The following PRKDC variants were observed in gnomAD, a reference collection of about 807,000 sequenced individuals.
The protein encoded by PRKDC is DNA-dependent protein kinase catalytic subunit.
In PRKDC, 82 loss-of-function variants were observed where a neutral mutation model predicts 486.9. That is an observed-to-expected ratio of 0.17 (90% confidence interval 0.14 to 0.20). PRKDC has a LOEUF of 0.20. Ranked by LOEUF, PRKDC falls within the 10% of genes least tolerant of loss-of-function variation. PRKDC has a pLI of 1.00. For synonymous variants in PRKDC, 1,895 were observed against 1,837.0 expected, an observed-to-expected ratio of 1.03 and a Z score of -0.81; for missense variants, 4,504 against 5,038.2, an observed-to-expected ratio of 0.89 and a Z score of 3.21.
chr8:47,807,929 T>C (rs1171797150), intron 68 of PRKDC, among the ~76,000 whole-genome samples: 1 of 152,146 alleles, frequency 6.6e-6, no homozygotes, highest in Non-Finnish European at 1.5e-5. Context: ...TTGGCCAGGC[T>C]GGTCTTGAAC....
At position 47,864,752 on chromosome 8, in the gene PRKDC, A is replaced by C. The variant is rs375328514; in HGVS notation, c.5375T>G (p.Val1792Gly). ...FRRIARRGSC[V>G]TQVGLLESVY... Reference sequence around the variant, plus strand: ...GCTTTCCAGAAGGCCTACTTGTGTGACACATGAACCCCTAAGAAAACAAGA... The same window carrying C: ...GCTTTCCAGAAGGCCTACTTGTGTGCCACATGAACCCCTAAGAAAACAAGA... The change falls in exon 41 of 86, where the codon GTC becomes GGC. Residue 1792 changes from valine to glycine, a missense_variant. Around this residue, in one of 6 missense-constraint regions of PRKDC, gnomAD observed 1,969 missense variants for 2,068.9 expected, o/e 0.95. Coordinates refer to ENST00000314191, the MANE Select transcript of PRKDC (RefSeq NM_006904.7). 2.5e-6 allele frequency: 4 copies of C among 1,589,124 alleles called. No homozygotes were observed. The highest frequency in any genetic ancestry group is 3.4e-6 in the Non-Finnish European group (4 of 1,165,834).
chr8:47,927,923 G>T, intron 19 of PRKDC, 33 bp from the exon 20 acceptor site: 1 of 1,428,882 alleles, frequency 7.0e-7, no homozygotes, highest in South Asian at 1.7e-5. Flanking sequence ...ATGTATATCT[G>T]AATAGAGCCT....
chr8:47,924,221 C>T (rs1014044922), intron 21 of PRKDC, among the ~76,000 whole-genome samples: 7 of 152,034 alleles, frequency 4.6e-5, no homozygotes, highest in Non-Finnish European at 8.8e-5. Context: ...TATATTTTCC[C>T]GGCCCCAGGT....
At position 47,900,483 on chromosome 8, in the gene PRKDC, T is replaced by C; in HGVS notation, c.3270-16A>G. On this transcript the variant is annotated splice_polypyrimidine_tract_variant and intron_variant, in intron 27 of 85. Transcript: ENST00000314191. ...CTCTTCTTCCCTGTAAAATAAAGAA[T>C]AGGAAACCTCACCTAAGAAAACAAT... is the stretch of plus-strand genomic sequence containing the variant. 2 of 1,576,740 alleles carry C rather than the reference T, an allele frequency of 1.3e-6. No homozygotes were observed. The highest frequency in any genetic ancestry group is 1.7e-6 in the Non-Finnish European group (2 of 1,156,484).
At chr8:47,864,126 G>T (rs930954387) in intron 41 of PRKDC, among the ~76,000 whole-genome samples, 5 of 152,302 alleles carry the variant, frequency 3.3e-5, no homozygotes, top group East Asian at 1.9e-4. Flanking sequence ...GGCCATAAAT[G>T]AAATCACAGG....
In PRKDC at chr8:47,886,064, G is replaced by C; in HGVS notation, c.4656C>G (p.His1552Gln). ...TATAGAAATACTCCCCATGGGAGAA[G>C]TGGATGACGCTGCCCTGTGAGCTGC... is the stretch of plus-strand genomic sequence containing the variant. ...SLGSSQGSVIHFSHGEYFYSL... is the reference protein window; with the variant it reads ...SLGSSQGSVIQFSHGEYFYSL... Residue 1552 changes from histidine to glutamine, a missense_variant, in exon 36 of 86, where the codon CAC (histidine) becomes CAG (glutamine). Coordinates refer to ENST00000314191, the MANE Select transcript of PRKDC (RefSeq NM_006904.7). 1 of 1,613,754 alleles carries C rather than the reference G, an allele frequency of 6.2e-7. No homozygotes were observed.
chr8:47,790,879 A>T (rs1410908130), intron 74 of PRKDC, among the ~76,000 whole-genome samples: 1 of 152,130 alleles, frequency 6.6e-6, no homozygotes, highest in African/African-American at 2.4e-5. Context: ...ATGAAACTAG[A>T]CCCCTATCTC....
intron 48 of PRKDC, 124 bp from the exon 49 acceptor site, chr8:47,857,423 G>C: frequency 9.4e-7 from 1 of 1,059,852 alleles, no homozygotes; most frequent in South Asian, 1.8e-5. Context: ...CCAAAAGCGA[G>C]GTAAGCACGT....
chr8:47,791,227 A>G (rs2086877059), intron 74 of PRKDC, among the ~76,000 whole-genome samples: 1 of 152,244 alleles, frequency 6.6e-6, no homozygotes. Flanking sequence ...CTGTAATCCC[A>G]GCACTATGGG....
Position 47,774,280 on chromosome 8 carries a change from G to T in PRKDC, c.12280C>A (p.Pro4094Thr). Residue 4094 changes from proline to threonine, a missense_variant, in exon 86 of 86, where the codon CCA becomes ACA. Around this residue, in one of 6 missense-constraint regions of PRKDC, gnomAD observed 706 missense variants for 945.0 expected, o/e 0.75. Transcript: ENST00000314191. The part of the protein sequence containing the change: ...SKDHNIRAQE[P>T]ESGLSEETQV... ...GTCTCTTCTGAAAGCCCACTCTCTG[G>T]TTCTTGGGCACGAATGTTGTGATCT... 2.5e-6 allele frequency: 4 copies of T among 1,611,538 alleles called. No individual in the cohort carries two copies. The highest frequency in any genetic ancestry group is 3.4e-6 in the Non-Finnish European group (4 of 1,179,036).
At chr8:47,950,358 G>A (rs2090606777) in intron 7 of PRKDC, among the ~76,000 whole-genome samples, 2 of 149,602 alleles carry the variant, frequency 1.3e-5, no homozygotes, top group Non-Finnish European at 3.0e-5. Flanking sequence ...AGGCACAGTG[G>A]TTCACACCTG....
chr8:47,934,074 G>T lies in PRKDC; in HGVS notation c.1514C>A (p.Ser505Tyr), dbSNP rs760472666. Reference protein sequence around the residue: ...VVLPKGPESESEDHRASGEVR... With the variant: ...VVLPKGPESEYEDHRASGEVR... ...TTCCCCTGAAGCACGGTGGTCTTCA[G>T]ATTCAGACTCAGGGCCCTGGCCAGA... Residue 505 changes from serine (S) to tyrosine (Y), a missense_variant, in exon 15 of 86, where the codon TCT becomes TAT. By Grantham distance (144) the Ser-to-Tyr change is moderately radical (BLOSUM62 -2). Transcript: ENST00000314191. 2.0e-5 allele frequency: 33 copies of T among 1,613,518 alleles called. No homozygotes were observed. Among genetic ancestry groups the T allele is most frequent in the Non-Finnish European group, 2.8e-5 (33 of 1,179,654 alleles).
At chr8:47,873,421 C>T (rs1382421914) in intron 40 of PRKDC, among the ~76,000 whole-genome samples, 3 of 151,898 alleles carry the variant, frequency 2.0e-5, no homozygotes, top group Non-Finnish European at 4.4e-5. Flanking sequence ...TCATCTGTAA[C>T]CCCAGCTACT....
In PRKDC at chr8:47,904,929, C is replaced by A; in HGVS notation, c.2982G>T (p.Trp994Cys). 6.2e-7 allele frequency: 1 copy of A among 1,613,608 alleles called. No homozygotes were observed. ...YEPLVMQLIH[W>C]FTNNKKFESQ... ...TTTCAAATTTCTTGTTGTTAGTGAACCAGTGAATCAGCTGCATAACTAGTG... is the reference window on the plus strand; with the variant it reads ...TTTCAAATTTCTTGTTGTTAGTGAAACAGTGAATCAGCTGCATAACTAGTG... The change falls in exon 26 of 86, where the codon TGG (tryptophan) becomes TGT (cysteine). Residue 994 changes from tryptophan to cysteine, a missense_variant. Around this residue, in one of 6 missense-constraint regions of PRKDC, gnomAD observed 1,969 missense variants for 2,068.9 expected, o/e 0.95. Coordinates refer to ENST00000314191, the MANE Select transcript of PRKDC (RefSeq NM_006904.7).
chr8:47,930,434 G>A (rs985305395), intron 17 of PRKDC, among the ~76,000 whole-genome samples: 7 of 152,008 alleles, frequency 4.6e-5, no homozygotes, highest in South Asian at 2.1e-4. Flanking sequence ...CACTATGCCC[G>A]GCGAATTTTT....
intron 7 of PRKDC, among the ~76,000 whole-genome samples, chr8:47,947,079 A>G (rs547548102): frequency 7.2e-5 from 11 of 152,190 alleles, no homozygotes; most frequent in East Asian, 3.9e-4. Flanking sequence ...GTGTACCTCC[A>G]CACTCTTGAC....
At chr8:47,920,417 G>A (rs12334811) in intron 21 of PRKDC, among the ~76,000 whole-genome samples, 22,114 of 152,108 alleles carry the variant, frequency 0.15, 2,559 homozygotes, top group African/African-American at 0.3. Context: ...CTAATTTTGT[G>A]TATAATGTTC....
At chr8:47,831,637 A>C (rs1370819075) in intron 60 of PRKDC, among the ~76,000 whole-genome samples, 177 bp downstream of exon 60, 1 of 152,076 alleles carries the variant, frequency 6.6e-6, no homozygotes, top group Non-Finnish European at 1.5e-5. Flanking sequence ...CCCCCACCAG[A>C]GCGCCATGAG....
At chr8:47,779,176 T>C (rs2086658213) in intron 80 of PRKDC, 83 bp from the exon 81 acceptor site, 17 of 1,018,582 alleles carry the variant, frequency 1.7e-5, no homozygotes, top group Admixed American at 2.8e-5. Flanking sequence ...CAAGAATTCA[T>C]TGAAAAATAG....
Sources: gnomAD v4.1 joint callset for allele counts (sites outside exome capture counted in the v4.1 genomes callset) on GRCh38, gnomAD v4.1.1 for gene constraint, gnomAD v4.1.1 regional missense constraint, MANE v1.5 for transcripts, NCBI Gene and HGNC (gene_info 2026-07-23, HGNC 2026-07-21) for gene names.